Variants in TENM3 observed in about 807,000 individuals in gnomAD.
The protein encoded by TENM3 is teneurin-3.
Under a neutral mutation model 255.1 loss-of-function variants are expected in TENM3, and 63 were observed. That is an observed-to-expected ratio of 0.25 (90% CI 0.20 to 0.30). TENM3 has a LOEUF of 0.30. Among genes scored for constraint, TENM3 ranks in the 10% least tolerant of loss-of-function variants. TENM3 has a pLI of 1.00. For synonymous variants in TENM3, 1,306 were observed against 1,322.3 expected (o/e 0.99, Z 0.27); for missense variants, 2,929 against 3,461.1 (o/e 0.85, Z 3.86).
intron 3 of TENM3, among the ~76,000 whole-genome samples, chr4:182,480,262 C>A (rs1178665173): frequency 6.6e-6 from 1 of 151,988 alleles, no homozygotes; most frequent in Admixed American, 6.6e-5. Flanking sequence ...AATAATTTAA[C>A]AAGTAAAATC....
chr4:182,500,683 G>A (rs1263494234), intron 3 of TENM3, among the ~76,000 whole-genome samples: 1 of 152,050 alleles, frequency 6.6e-6, no homozygotes, highest in Non-Finnish European at 1.5e-5. Flanking sequence ...CAAATGTATG[G>A]GGAGAGAAAT....
intron 3 of TENM3, among the ~76,000 whole-genome samples, chr4:182,554,168 C>T (rs1235965858): frequency 2.0e-5 from 3 of 152,174 alleles, no homozygotes; most frequent in African/African-American, 7.2e-5. Context: ...TTTCTGATGA[C>T]CAGCTGAGTT....
chr4:182,044,026 C>G, the TENM3 span, among the ~76,000 whole-genome samples: 1 of 152,138 alleles, frequency 6.6e-6, no homozygotes, highest in Non-Finnish European at 1.5e-5. Flanking sequence ...AATATAGAAA[C>G]TTGAATGTTA....
intron 3 of TENM3, among the ~76,000 whole-genome samples, chr4:182,409,482 C>T (rs756920010): frequency 1.3e-5 from 2 of 152,150 alleles, no homozygotes; most frequent in Non-Finnish European, 2.9e-5. Flanking sequence ...TTTCCCCTGT[C>T]GGGCCCAGAT....
intron 3 of TENM3, among the ~76,000 whole-genome samples, chr4:182,572,477 C>T (rs143002548): frequency 1.3e-3 from 198 of 152,282 alleles, no homozygotes; most frequent in African/African-American, 4.4e-3. Flanking sequence ...AACTCAGGCA[C>T]AAGTCTACAT....
chr4:182,563,395 C>T (rs10020725), intron 3 of TENM3, among the ~76,000 whole-genome samples: 48,128 of 151,812 alleles, frequency 0.32, 9,187 homozygotes, highest in East Asian at 0.48. Context: ...GATCATGCCA[C>T]GGCACTCCAG....
chr4:182,616,575 GAA>G (rs376875213), intron 4 of TENM3, among the ~76,000 whole-genome samples: 28 of 96,228 alleles, frequency 2.9e-4, no homozygotes, highest in East Asian at 1.4e-3. Flanking sequence ...CTAACACAGT[GAA>G]AAAAAAAAAA....
intron 12 of TENM3, among the ~76,000 whole-genome samples, chr4:182,690,277 G>A (rs1249014939): frequency 6.6e-6 from 1 of 152,202 alleles, no homozygotes; most frequent in Non-Finnish European, 1.5e-5. Flanking sequence ...CACTGATGTG[G>A]CTTTCCCCTC....
chr4:182,192,576 T>G (rs940941242), intron 1 of TENM3, among the ~76,000 whole-genome samples: 19 of 152,382 alleles, frequency 1.2e-4, no homozygotes, highest in African/African-American at 4.3e-4. Flanking sequence ...ATGTTGATTA[T>G]TCTTGGGATA....
chr4:181,553,335 TACAC>T, the TENM3 span, among the ~76,000 whole-genome samples: 2,259 of 140,862 alleles, frequency 0.016, 63 homozygotes, highest in African/African-American at 0.054. Context: ...TATATATATA[TACAC>T]ACACACACAC....
At chr4:181,615,417 C>T in the TENM3 span, among the ~76,000 whole-genome samples, 2 of 152,190 alleles carry the variant, frequency 1.3e-5, no homozygotes, top group Non-Finnish European at 1.5e-5. Context: ...CGTTCAACTA[C>T]CACCTACCAC....
chr4:182,436,943 G>T (rs1051765502), intron 3 of TENM3, among the ~76,000 whole-genome samples: 1 of 150,958 alleles, frequency 6.6e-6, no homozygotes, highest in Non-Finnish European at 1.5e-5. Flanking sequence ...CAGGAGAATT[G>T]CTTGAACCCA....
At chr4:182,311,105 G>A (rs1411029842) in intron 1 of TENM3, among the ~76,000 whole-genome samples, 1 of 152,226 alleles carries the variant, frequency 6.6e-6, no homozygotes, top group Admixed American at 6.5e-5. Context: ...CAAGCAAAGA[G>A]AATTGTGAGC....
intron 1 of TENM3, among the ~76,000 whole-genome samples, chr4:182,196,728 T>C (rs1289450847): frequency 1.3e-5 from 2 of 152,220 alleles, no homozygotes; most frequent in Non-Finnish European, 2.9e-5. Flanking sequence ...TTGTGATCAT[T>C]AAAGTTTTTC....
intron 1 of TENM3, among the ~76,000 whole-genome samples, chr4:182,286,657 G>A (rs1156805386): frequency 1.3e-5 from 2 of 152,068 alleles, no homozygotes; most frequent in Admixed American, 1.3e-4. Context: ...AGAATGTGGG[G>A]CTCTCAATCC....
chr4:182,672,092 C>A (rs909150962), intron 6 of TENM3, among the ~76,000 whole-genome samples: 2 of 152,150 alleles, frequency 1.3e-5, no homozygotes, highest in Non-Finnish European at 2.9e-5. Flanking sequence ...TTTCCACTCA[C>A]GGCAAATTGC....
intron 13 of TENM3, among the ~76,000 whole-genome samples, chr4:182,726,138 C>T (rs1377762449): frequency 2.0e-5 from 3 of 152,132 alleles, no homozygotes; most frequent in Non-Finnish European, 4.4e-5. Flanking sequence ...TAACAAAAAA[C>T]TTAAAATATT....
chr4:181,556,159 T>C, the TENM3 span, among the ~76,000 whole-genome samples: 22 of 152,360 alleles, frequency 1.4e-4, no homozygotes, highest in Non-Finnish European at 2.8e-4. Flanking sequence ...TGGTTGGTAA[T>C]AATCCAAGGG....
the TENM3 span, among the ~76,000 whole-genome samples, chr4:181,586,659 A>G: frequency 1.3e-5 from 2 of 152,014 alleles, no homozygotes; most frequent in African/African-American, 4.8e-5. Flanking sequence ...GGCCAACACG[A>G]TGAAACCCTG....
Sources: allele counts gnomAD v4.1 joint callset (sites outside exome capture counted in the v4.1 genomes callset), GRCh38; gene constraint gnomAD v4.1.1; transcripts MANE v1.5; gene names NCBI Gene and HGNC (gene_info 2026-07-23, HGNC 2026-07-21).